Variants in DCC observed in about 807,000 individuals in gnomAD.
The protein encoded by DCC is DCC netrin 1 receptor, also known as netrin receptor DCC.
Under a neutral mutation model 172.5 loss-of-function variants are expected in DCC, and 58 were observed. The ratio of observed to expected loss-of-function variants is 0.34; its 90% CI spans 0.27 to 0.42. DCC has a LOEUF of 0.42. Ranked by LOEUF, DCC falls within the 10% of genes least tolerant of loss-of-function variation. DCC has a pLI of 1.00. For synonymous variants in DCC, 709 were observed against 644.5 expected (o/e 1.10, Z -1.52); for missense variants, 1,740 against 1,791.0 (o/e 0.97, Z 0.51).
intron 1 of DCC, among the ~76,000 whole-genome samples, chr18:52,664,602 C>G (rs1345224861): frequency 6.6e-6 from 1 of 150,552 alleles, no homozygotes; most frequent in East Asian, 2.0e-4. Flanking sequence ...TCCCGAGTAG[C>G]TGGGACTACA....
intron 2 of DCC, among the ~76,000 whole-genome samples, chr18:52,863,186 A>G (rs2039170851): frequency 6.6e-6 from 1 of 151,938 alleles, no homozygotes; most frequent in South Asian, 2.1e-4. Context: ...AATGAAAACC[A>G]CATTCTCATG....
At chr18:53,191,745 C>T (rs1399249864) in intron 9 of DCC, among the ~76,000 whole-genome samples, 1 of 131,910 alleles carries the variant, frequency 7.6e-6, no homozygotes, top group Non-Finnish European at 1.8e-5. Flanking sequence ...TAACTGTTTT[C>T]CTTATTTTAC....
At chr18:52,536,157 AG>A (rs1480065270) in intron 1 of DCC, among the ~76,000 whole-genome samples, 1 of 152,138 alleles carries the variant, frequency 6.6e-6, no homozygotes, top group Non-Finnish European at 1.5e-5. Flanking sequence ...CGGGAGGAAC[AG>A]TGATATGTGG....
chr18:53,253,219 T>G (rs1412519929), intron 12 of DCC, among the ~76,000 whole-genome samples: 3 of 152,040 alleles, frequency 2.0e-5, no homozygotes, highest in African/African-American at 7.2e-5. Flanking sequence ...TATATTTCTT[T>G]GTGTTGTTGA....
intron 2 of DCC, among the ~76,000 whole-genome samples, chr18:52,837,069 C>T (rs145036947): frequency 1.2e-4 from 18 of 152,288 alleles, no homozygotes; most frequent in East Asian, 3.9e-4. Context: ...CAAGCTGTAC[C>T]GTAGCCCCTT....
intron 2 of DCC, among the ~76,000 whole-genome samples, chr18:52,767,707 C>A (rs1171412662): frequency 1.3e-5 from 2 of 152,072 alleles, no homozygotes; most frequent in South Asian, 4.1e-4. Context: ...GTGTAAATAC[C>A]TGTAGTACAA....
chr18:53,326,825 G>A (rs2057473086), intron 14 of DCC, among the ~76,000 whole-genome samples: 1 of 152,106 alleles, frequency 6.6e-6, no homozygotes, highest in African/African-American at 2.4e-5. Context: ...AGGAGAAAAA[G>A]CAATCATTTT....
chr18:53,520,915 A>T (rs1239398398), intron 27 of DCC, among the ~76,000 whole-genome samples: 3 of 152,050 alleles, frequency 2.0e-5, no homozygotes, highest in African/African-American at 7.2e-5. Context: ...AAGTCCATAG[A>T]GTGTCCCAGT....
chr18:53,046,304 G>A (rs567768320), intron 5 of DCC, among the ~76,000 whole-genome samples: 1 of 151,746 alleles, frequency 6.6e-6, no homozygotes, highest in Non-Finnish European at 1.5e-5. Flanking sequence ...GGTAATGTTG[G>A]TATATATTGT....
At chr18:52,467,788 C>G (rs1221979) in intron 1 of DCC, among the ~76,000 whole-genome samples, 31,323 of 152,126 alleles carry the variant, frequency 0.21, 4,074 homozygotes, top group Non-Finnish European at 0.29. Flanking sequence ...TTGCATTTCT[C>G]TAATGACTAG....
chr18:52,824,460 G>T (rs574823130), intron 2 of DCC, among the ~76,000 whole-genome samples: 2 of 152,140 alleles, frequency 1.3e-5, no homozygotes, highest in South Asian at 4.1e-4. Context: ...GGAAGTTATG[G>T]CAAACATCTT....
At chr18:52,965,942 G>A (rs535450384) in intron 5 of DCC, among the ~76,000 whole-genome samples, 1 of 152,208 alleles carries the variant, frequency 6.6e-6, no homozygotes, top group South Asian at 2.1e-4. Flanking sequence ...TGAGAGCCAG[G>A]AAACATTTTC....
rs984057374 is a variant in DCC at position 52,949,064 on chromosome 18, T to G, written c.985+23694T>G. On this transcript the variant is annotated intron_variant, in intron 5 of 28. Coordinates refer to ENST00000442544, the MANE Select transcript of DCC (RefSeq NM_005215.4). ...ACAGATATCAGGTTTTTATCCCAGA[T>G]GTGGCTATTGCCAAGTCCTGTTTCT... 2.6e-5 allele frequency among the ~76,000 whole-genome samples: 4 copies of G among 152,218 alleles called. No individual in the cohort carries two copies. The East Asian group carries it at 7.7e-4, about 29-fold the overall frequency.
intron 5 of DCC, among the ~76,000 whole-genome samples, chr18:52,927,109 G>GTGTATACGTGTA (rs1568192051): frequency 2.7e-4 from 23 of 84,960 alleles, no homozygotes; most frequent in African/African-American, 1.0e-3. Context: ...GTATATACAC[G>GTGTATACGTGTA]TATATACGTG....
At position 52,723,681 on chromosome 18, in the gene DCC, G is replaced by A. The variant is rs9960232; in HGVS notation, c.92-28373G>A. Among the ~76,000 whole-genome samples the A allele has an allele frequency of 7.6e-3, 1,162 of 152,290 alleles. 16 individuals carry two copies. The highest frequency in any genetic ancestry group is 0.026 in the African/African-American group (1,097 of 41,576). ...TTGGAATGTTCTGTCTGAGGCTGGAGTCAGGCTCATAAGGGCTTCTTTGCA... is the reference window on the plus strand; with the variant it reads ...TTGGAATGTTCTGTCTGAGGCTGGAATCAGGCTCATAAGGGCTTCTTTGCA... On this transcript the variant is annotated intron_variant, in intron 1 of 28. Transcript: ENST00000442544.
At chr18:53,292,560 G>T (rs760263552) in intron 12 of DCC, among the ~76,000 whole-genome samples, 13 of 152,052 alleles carry the variant, frequency 8.5e-5, no homozygotes, top group Admixed American at 2.0e-4. Flanking sequence ...TGGGTGGTGG[G>T]CATCTGTAAT....
chr18:53,508,185 G>A (rs1360427000), intron 27 of DCC, among the ~76,000 whole-genome samples: 3 of 147,406 alleles, frequency 2.0e-5, no homozygotes, highest in South Asian at 2.1e-4. Flanking sequence ...GAGCCACCGC[G>A]CCCGGCCGAG....
intron 2 of DCC, among the ~76,000 whole-genome samples, chr18:52,804,932 T>C (rs1598820046): frequency 6.6e-6 from 1 of 152,296 alleles, no homozygotes; most frequent in South Asian, 2.1e-4. Context: ...TAGTTGTCCA[T>C]ATTTCTTTCT....
chr18:52,857,165 A>G (rs1452353814), intron 2 of DCC, among the ~76,000 whole-genome samples: 2 of 152,244 alleles, frequency 1.3e-5, no homozygotes, highest in Non-Finnish European at 2.9e-5. Flanking sequence ...AATAGATTCA[A>G]TACTCTGGTA....
Sources: gnomAD v4.1 joint callset for allele counts (sites outside exome capture counted in the v4.1 genomes callset) on GRCh38, gnomAD v4.1.1 for gene constraint, MANE v1.5 for transcripts, NCBI Gene and HGNC (gene_info 2026-07-23, HGNC 2026-07-21) for gene names.